Variants in PTH2R observed in about 807,000 individuals in gnomAD.
The protein encoded by PTH2R is PTH2 receptor.
PTH2R carries 59 observed loss-of-function variants against 60.3 expected under a neutral mutation model. That is an observed-to-expected ratio of 0.98 (90% CI 0.79 to 1.22). The LOEUF is 1.22. PTH2R is among the 50% of genes most tolerant of loss of function. PTH2R has a pLI of 0.00. For missense variants in PTH2R, 749 were observed against 682.6 expected, an observed-to-expected ratio of 1.10 and a Z score of -1.08; for synonymous variants, 256 against 243.8, an observed-to-expected ratio of 1.05 and a Z score of -0.47.
At position 208,389,227 on chromosome 2, in the gene PTH2R, T is replaced by TACACACACAC. The variant is rs71041306; in HGVS notation, c.-259+29022_-259+29031dup. 4.0e-3 allele frequency among the ~76,000 whole-genome samples: 577 copies of TACACACACAC among 142,634 alleles called. 4 individuals are homozygous for TACACACACAC. The highest frequency in any genetic ancestry group is 0.014 in the African/African-American group (531 of 38,708). 93.6% of individuals were successfully genotyped at this position (142,634 alleles called of 152,430 possible). ...TGATGATACATTAAAAGGAAATGCATACACACACACACACACACACACACA... is the reference window on the plus strand; with the variant it reads ...TGATGATACATTAAAAGGAAATGCATACACACACACACACACACACACACACACACACACA... On this transcript the variant is annotated intron_variant, in intron 1 of 12. Coordinates refer to the PTH2R transcript ENST00000617735.
chr2:208,408,158 T>C (rs1401164994), intron 1 of PTH2R, among the ~76,000 whole-genome samples: 1 of 152,226 alleles, frequency 6.6e-6, no homozygotes, highest in East Asian at 1.9e-4. Flanking sequence ...ATGACCAAGA[T>C]GTTTCATGTA....
chr2:208,443,522 G>A lies in PTH2R; in HGVS notation c.684G>A (p.Val228=), dbSNP rs766565665. ...DPQNSIEATS[V]DKSQYIGCKI... is the part of the protein sequence containing the mutation. Reference sequence around the variant, plus strand: ...AAAATTCCATTGAGGCAACTTCTGTGGACAAATCACAATATGTAAGTGTTT... The same window carrying A: ...AAAATTCCATTGAGGCAACTTCTGTAGACAAATCACAATATGTAAGTGTTT... The change falls in exon 6 of 13, where the codon GTG becomes GTA. Residue 228 remains valine, a synonymous_variant. Transcript: ENST00000272847. The A allele has an allele frequency of 4.0e-5, 64 of 1,604,698 alleles. No individual in the cohort carries two copies. Among genetic ancestry groups the A allele is most frequent in the Non-Finnish European group, 5.1e-5 (60 of 1,176,774 alleles).
At chr2:208,380,637 A>G (rs1700895121) in intron 1 of PTH2R, among the ~76,000 whole-genome samples, 3 of 152,184 alleles carry the variant, frequency 2.0e-5, no homozygotes, top group South Asian at 4.1e-4. Context: ...GGGTGCAGCC[A>G]TTGGCCACAT....
At chr2:208,417,241 A>G (rs1701657980) in intron 1 of PTH2R, among the ~76,000 whole-genome samples, 1 of 152,182 alleles carries the variant, frequency 6.6e-6, no homozygotes, top group South Asian at 2.1e-4. Flanking sequence ...CTCGAAATGC[A>G]TTAAGGATCC....
intron 2 of PTH2R, among the ~76,000 whole-genome samples, chr2:208,429,650 C>G (rs1344125424): frequency 2.6e-5 from 4 of 151,974 alleles, no homozygotes. Context: ...ATTAAATTTA[C>G]CATTAAAATT....
chr2:208,417,583 C>T lies in PTH2R; in HGVS notation c.75+10465C>T, dbSNP rs1274366772. Among the ~76,000 whole-genome samples, 4 of 118,032 alleles carry T rather than the reference C, an allele frequency of 3.4e-5. 1 individual carries two copies. The highest frequency in any genetic ancestry group is 2.3e-4 in the Admixed American group (2 of 8,836). 77.4% of individuals were successfully genotyped at this position (118,032 alleles called of 152,430 possible). A position where few individuals can be genotyped will look rare whatever the true frequency, so the allele number is the denominator to read the frequency against. On this transcript the variant is annotated intron_variant, in intron 1 of 12. Transcript: ENST00000272847. ...TTTTTTTTTTTTTGTGATGGTGTCT[C>T]ACCCTCTCGCCCAGGCTGGAGTGCA... is the stretch of plus-strand genomic sequence containing the variant.
chr2:208,477,760 T>C (rs1559231765), intron 9 of PTH2R, among the ~76,000 whole-genome samples: 1 of 151,468 alleles, frequency 6.6e-6, no homozygotes, highest in Non-Finnish European at 1.5e-5. Context: ...TTTAAATTTC[T>C]TTGCTTTGTT....
intron 7 of PTH2R, among the ~76,000 whole-genome samples, chr2:208,449,454 A>AATAGATAGATAGATAGATAGATAG (rs34534103): frequency 1.2e-4 from 18 of 150,422 alleles, no homozygotes; most frequent in African/African-American, 3.9e-4. Flanking sequence ...TAGATAGATA[A>AATAGATAGATAGATAGATAGATAG]ATAGATAGAT....
intron 1 of PTH2R, among the ~76,000 whole-genome samples, chr2:208,419,824 A>C (rs1490099532): frequency 6.6e-6 from 1 of 152,180 alleles, no homozygotes; most frequent in Non-Finnish European, 1.5e-5. Context: ...TGCTATAAAG[A>C]CACATGCTCA....
intron 9 of PTH2R, 26 bp downstream of exon 9, chr2:208,459,987 A>G (rs779807854): frequency 1.9e-6 from 3 of 1,597,840 alleles, no homozygotes; most frequent in Admixed American, 1.7e-5. Context: ...TGTATAGTTA[A>G]AAAAGGGATG....
upstream of PTH2R, among the ~76,000 whole-genome samples, chr2:208,404,509 A>G (rs547383158): frequency 1.9e-4 from 29 of 152,340 alleles, no homozygotes; most frequent in African/African-American, 6.7e-4. Context: ...AGTGTATATG[A>G]AAGTATTTTG....
Position 208,472,827 on chromosome 2 carries a change from A to G in PTH2R, c.982-8243A>G, listed in dbSNP as rs190663144. Among the ~76,000 whole-genome samples the G allele has an allele frequency of 2.6e-5, 4 of 152,220 alleles. No homozygotes were observed. The East Asian group carries it at 7.7e-4, about 29-fold the overall frequency. On this transcript the variant is annotated intron_variant, in intron 9 of 12. Coordinates refer to ENST00000272847, the MANE Select transcript of PTH2R (RefSeq NM_005048.4). ...AGCATATTTCAGAGTCTTTTTTTGC[A>G]TTAATCCTCAAATAACTTTTAAGTA... is the stretch of plus-strand genomic sequence containing the variant.
chr2:208,381,662 A>G (rs1227744676), intron 1 of PTH2R, among the ~76,000 whole-genome samples: 1 of 152,148 alleles, frequency 6.6e-6, no homozygotes, highest in Non-Finnish European at 1.5e-5. Context: ...ATACAACAAT[A>G]GAAGCCTTTT....
Position 208,379,875 on chromosome 2 carries a change from A to G in PTH2R, c.-259+19638A>G, listed in dbSNP as rs1468542937. 2.0e-5 allele frequency among the ~76,000 whole-genome samples: 3 copies of G among 150,512 alleles called. No individual in the cohort carries two copies. The East Asian group carries it at 5.8e-4, about 29-fold the overall frequency. On this transcript the variant is annotated intron_variant, in intron 1 of 12. Transcript: ENST00000617735. Reference sequence around the variant, plus strand: ...ACTCTGTCTTGAAAAAAAAAAAAAGAGAGAGAGACCGTTTGTGAAGGTGTG... The same window carrying G: ...ACTCTGTCTTGAAAAAAAAAAAAAGGGAGAGAGACCGTTTGTGAAGGTGTG...
intron 9 of PTH2R, among the ~76,000 whole-genome samples, chr2:208,465,236 A>G (rs1466308290): frequency 6.6e-6 from 1 of 151,910 alleles, no homozygotes; most frequent in Non-Finnish European, 1.5e-5. Context: ...TCTGCCTCCC[A>G]TAGTGCTGGT....
At chr2:208,363,652 C>G (rs1426181365) in intron 1 of PTH2R, among the ~76,000 whole-genome samples, 1 of 152,174 alleles carries the variant, frequency 6.6e-6, no homozygotes, top group African/African-American at 2.4e-5. Context: ...CAAGTGTTTC[C>G]TTTTCTGCAC....
intron 1 of PTH2R, among the ~76,000 whole-genome samples, chr2:208,421,408 T>C (rs1031776372): frequency 6.6e-6 from 1 of 151,952 alleles, no homozygotes; most frequent in Admixed American, 6.6e-5. Flanking sequence ...TGAGTATGCA[T>C]GCTTCCTTGT....
intron 8 of PTH2R, among the ~76,000 whole-genome samples, chr2:208,456,216 T>C (rs1422788289): frequency 6.6e-6 from 1 of 151,858 alleles, no homozygotes; most frequent in Admixed American, 6.6e-5. Context: ...CACTCCAGCC[T>C]GGGCAACAGA....
chr2:208,368,249 G>A (rs922351410), intron 1 of PTH2R, among the ~76,000 whole-genome samples: 1 of 152,064 alleles, frequency 6.6e-6, no homozygotes, highest in African/African-American at 2.4e-5. Flanking sequence ...GAAAATGATG[G>A]GATTGTTGTG....
Sources: allele counts gnomAD v4.1 joint callset (sites outside exome capture counted in the v4.1 genomes callset), GRCh38; gene constraint gnomAD v4.1.1; transcripts MANE v1.5; gene names NCBI Gene and HGNC (gene_info 2026-07-23, HGNC 2026-07-21).